The following CAMTA1 variants were observed in gnomAD, a reference collection of about 807,000 sequenced individuals.
The protein encoded by CAMTA1 is calmodulin binding transcription activator 1, also known as calmodulin-binding transcription activator 1.
CAMTA1 carries 27 observed loss-of-function variants against 170.9 expected under a neutral mutation model. That is an observed-to-expected ratio of 0.16 (90% CI 0.12 to 0.22). The LOEUF is 0.22. Among genes scored for constraint, CAMTA1 ranks in the 10% least tolerant of loss-of-function variants. The probability of loss-of-function intolerance (pLI) is 1.00; values close to 1 mark genes in which losing one functional copy is unlikely to be tolerated. For synonymous variants in CAMTA1, 833 were observed against 891.5 expected (o/e 0.93, Z 1.17); for missense variants, 1,619 against 2,217.2 (o/e 0.73, Z 5.42).
At chr1:7,601,928 G>C (rs940503224) in intron 6 of CAMTA1, among the ~76,000 whole-genome samples, 1 of 150,718 alleles carries the variant, frequency 6.6e-6, no homozygotes, top group Non-Finnish European at 1.5e-5. Context: ...GGAGGAGACC[G>C]TGGAAAGAGA....
At chr1:7,263,999 A>G (rs146723757) in intron 5 of CAMTA1, among the ~76,000 whole-genome samples, 1,561 of 152,104 alleles carry the variant, frequency 0.01, 14 homozygotes, top group Middle Eastern at 0.065. Context: ...ATATGAGGGG[A>G]TGTGTGGGTT....
At chr1:7,013,209 CTTTTTT>C (rs969077771) in intron 3 of CAMTA1, among the ~76,000 whole-genome samples, 17 of 84,194 alleles carry the variant, frequency 2.0e-4, no homozygotes, top group East Asian at 7.1e-4. Flanking sequence ...TGCCCTTCTT[CTTTTTT>C]TTTTTTTTTT....
At chr1:6,808,457 G>A (rs1231740682) in intron 1 of CAMTA1, among the ~76,000 whole-genome samples, 1 of 152,092 alleles carries the variant, frequency 6.6e-6, no homozygotes, top group Admixed American at 6.5e-5. Flanking sequence ...AGGCACACAC[G>A]CTCACCCATG....
chr1:6,840,401 G>A (rs1260796673), intron 3 of CAMTA1, among the ~76,000 whole-genome samples: 1 of 152,150 alleles, frequency 6.6e-6, no homozygotes, highest in African/African-American at 2.4e-5. Context: ...CGGTGGGGGT[G>A]GAGGGAGTGA....
chr1:7,692,272 G>A (rs918220934), intron 11 of CAMTA1, among the ~76,000 whole-genome samples: 3 of 152,136 alleles, frequency 2.0e-5, no homozygotes, highest in Admixed American at 6.6e-5. Context: ...AGCTTTTAAA[G>A]GGCCACCTGG....
chr1:6,996,405 C>T (rs1697257294), intron 3 of CAMTA1, among the ~76,000 whole-genome samples: 1 of 152,234 alleles, frequency 6.6e-6, no homozygotes, highest in Non-Finnish European at 1.5e-5. Context: ...CAGCAGAAAT[C>T]TCTGTCCAGG....
At position 7,594,200 on chromosome 1, in the gene CAMTA1, GGGAAGGAAGGAA is replaced by G. The variant is rs56904420; in HGVS notation, c.511-46170_511-46159del. On this transcript the variant is annotated intron_variant, in intron 6 of 22. Coordinates refer to ENST00000303635, the MANE Select transcript of CAMTA1 (RefSeq NM_015215.4). ...AAAGAAAAGACAAGAAAGGAGGGAGGGGAAGGAAGGAAGGAAGGAAGGAAGGAAGGAAGGAAG... is the reference window on the plus strand; with the variant it reads ...AAAGAAAAGACAAGAAAGGAGGGAGGGGAAGGAAGGAAGGAAGGAAGGAAG... 9.5e-4 allele frequency among the ~76,000 whole-genome samples: 108 copies of G among 113,710 alleles called. 1 individual carries two copies. The highest frequency in any genetic ancestry group is 4.5e-3 in the Middle Eastern group (1 of 224). 74.6% of individuals were successfully genotyped at this position (113,710 alleles called of 152,430 possible). A position where few individuals can be genotyped will look rare whatever the true frequency, so the allele number is the denominator to read the frequency against.
Position 7,146,055 on chromosome 1 carries a change from C to T in CAMTA1, c.302+54684C>T, listed in dbSNP as rs1253170845. Among the ~76,000 whole-genome samples the T allele has an allele frequency of 6.6e-6, 1 of 152,166 alleles. No individual in the cohort carries two copies. The highest frequency in any genetic ancestry group is 1.5e-5 in the Non-Finnish European group (1 of 68,028). On this transcript the variant is annotated intron_variant, in intron 4 of 22. Transcript: ENST00000303635. This position sits in a 1 kb window ranked among gnomAD's most constrained non-coding sequence, Gnocchi z 4.3. ...CTATTTACTGAACACTTACTACGTG[C>T]GTGGCACTATGCCCAGTGCTTTAAT...
At chr1:7,103,406 C>T (rs189178215) in intron 4 of CAMTA1, among the ~76,000 whole-genome samples, 17 of 121,524 alleles carry the variant, frequency 1.4e-4, no homozygotes, top group African/African-American at 3.7e-4. Flanking sequence ...ACTACACACG[C>T]ACACACACAG....
intron 6 of CAMTA1, among the ~76,000 whole-genome samples, chr1:7,590,812 G>A (rs2095349790): frequency 6.6e-6 from 1 of 152,220 alleles, no homozygotes; most frequent in African/African-American, 2.4e-5. Context: ...GAGAGAGAGG[G>A]GAGTTTCCCC....
chr1:6,869,434 T>A (rs570920103), intron 3 of CAMTA1, among the ~76,000 whole-genome samples: 6 of 152,232 alleles, frequency 3.9e-5, no homozygotes, highest in Non-Finnish European at 8.8e-5. Flanking sequence ...GTGGCTTATA[T>A]ACTTGCCTCA....
intron 7 of CAMTA1, among the ~76,000 whole-genome samples, chr1:7,650,199 C>T (rs1008419845): frequency 1.3e-5 from 2 of 152,226 alleles, no homozygotes; most frequent in Admixed American, 6.5e-5. Flanking sequence ...GCACTCCTAG[C>T]GCACTCACAC....
chr1:7,326,207 T>A (rs1205567115), intron 5 of CAMTA1, among the ~76,000 whole-genome samples: 1 of 152,190 alleles, frequency 6.6e-6, no homozygotes, highest in African/African-American at 2.4e-5. Flanking sequence ...TTTGAGAGCC[T>A]TCTTTAAGGA....
intron 7 of CAMTA1, among the ~76,000 whole-genome samples, chr1:7,657,631 C>T (rs2095915946): frequency 6.6e-6 from 1 of 152,142 alleles, no homozygotes; most frequent in Admixed American, 6.5e-5. Flanking sequence ...CGCTTTTTCC[C>T]TATAGAAATC....
intron 7 of CAMTA1, among the ~76,000 whole-genome samples, chr1:7,649,285 C>T (rs753489307): frequency 6.6e-6 from 1 of 152,238 alleles, no homozygotes; most frequent in Admixed American, 6.5e-5. Flanking sequence ...GACAGCAGCT[C>T]GGTCCCTGAG....
intron 5 of CAMTA1, among the ~76,000 whole-genome samples, chr1:7,437,251 G>T (rs1489490163): frequency 2.0e-5 from 3 of 152,148 alleles, no homozygotes; most frequent in Admixed American, 2.0e-4. Flanking sequence ...CCTCCTAAGG[G>T]GACAGATGAG....
intron 3 of CAMTA1, among the ~76,000 whole-genome samples, chr1:6,889,475 A>G (rs946061155): frequency 6.6e-6 from 1 of 152,238 alleles, no homozygotes; most frequent in African/African-American, 2.4e-5. Flanking sequence ...ATCGCTGCTC[A>G]GAGGGATGTG....
At chr1:7,490,295 G>A (rs967716198) in intron 6 of CAMTA1, among the ~76,000 whole-genome samples, 12 of 152,200 alleles carry the variant, frequency 7.9e-5, no homozygotes, top group Admixed American at 3.9e-4. Flanking sequence ...GGTCACTGCC[G>A]CGGGCATCGA....
intron 12 of CAMTA1, among the ~76,000 whole-genome samples, chr1:7,734,031 T>A (rs958927133): frequency 6.6e-6 from 1 of 152,278 alleles, no homozygotes; most frequent in East Asian, 1.9e-4. Context: ...CACTGCAGCC[T>A]CCGCCTCCGA....
Sources: gnomAD v4.1 joint callset for allele counts (sites outside exome capture counted in the v4.1 genomes callset) on GRCh38, gnomAD v4.1.1 for gene constraint, Gnocchi (gnomAD v3.1) non-coding constraint, MANE v1.5 for transcripts, NCBI Gene and HGNC (gene_info 2026-07-23, HGNC 2026-07-21) for gene names.